NAV3: variants seen among roughly 807,000 people sequenced by gnomAD.
The protein encoded by NAV3 is neuron navigator 3, also known as pore membrane and/or filament interacting like protein 1.
NAV3 carries 87 observed loss-of-function variants against 244.7 expected under a neutral mutation model. That is an observed-to-expected ratio of 0.36 (90% CI 0.30 to 0.42). The LOEUF (loss-of-function observed/expected upper bound fraction) is 0.42. Among genes scored for constraint, NAV3 ranks in the 20% least tolerant of loss-of-function variants. NAV3 has a pLI of 1.00. For synonymous variants in NAV3, 1,126 were observed against 1,042.2 expected, an observed-to-expected ratio of 1.08 and a Z score of -1.55; for missense variants, 2,663 against 2,893.3, an observed-to-expected ratio of 0.92 and a Z score of 1.83.
intron 2 of NAV3, among the ~76,000 whole-genome samples, chr12:77,651,435 C>T (rs1263100934): frequency 6.6e-6 from 1 of 151,948 alleles, no homozygotes; most frequent in Non-Finnish European, 1.5e-5. Context: ...TTTTCTTCAA[C>T]AGCTCTTACT....
In NAV3 at chr12:78,118,312, T is replaced by C; in HGVS notation, c.3040+15T>C. 6.3e-7 allele frequency: 1 copy of C among 1,578,212 alleles called. No individual in the cohort carries two copies. The highest frequency in any genetic ancestry group is 8.6e-7 in the Non-Finnish European group (1 of 1,159,624). On this transcript the variant is annotated intron_variant, in intron 14 of 39. Transcript: ENST00000397909. Reference sequence around the variant, plus strand: ...CAAAACACCCGGTAGGCTTGTCGTTTGCCAGCTGTTATGCAAAAGTGCTTT... The same window carrying C: ...CAAAACACCCGGTAGGCTTGTCGTTCGCCAGCTGTTATGCAAAAGTGCTTT...
At chr12:77,908,476 A>C (rs1886235128) in intron 1 of NAV3, among the ~76,000 whole-genome samples, 1 of 152,094 alleles carries the variant, frequency 6.6e-6, no homozygotes, top group Non-Finnish European at 1.5e-5. Flanking sequence ...GAAGGAGAAA[A>C]AACAATGATA....
intron 1 of NAV3, among the ~76,000 whole-genome samples, chr12:77,834,741 T>C (rs1409654266): frequency 5.3e-5 from 8 of 152,286 alleles, no homozygotes; most frequent in African/African-American, 1.9e-4. Flanking sequence ...GTAAGCAAAG[T>C]TGTATTTATA....
At position 77,854,845 on chromosome 12, in the gene NAV3, C is replaced by T. The variant is rs551738835; in HGVS notation, c.243+23141C>T. ...ATGCTGACTAACATCTGGCCGGGTG[C>T]AGTGGCTCACGCCTGTAATCCCAGC... is the stretch of plus-strand genomic sequence containing the variant. On this transcript the variant is annotated intron_variant, in intron 1 of 39. Coordinates refer to ENST00000397909, the MANE Select transcript of NAV3 (RefSeq NM_001024383.2). Among the ~76,000 whole-genome samples the T allele has an allele frequency of 3.3e-5, 5 of 152,182 alleles. No homozygotes were observed. In the South Asian group the frequency reaches 8.3e-4, roughly 25 times the overall value.
rs1367201584 is a variant in NAV3 at position 78,177,640 on chromosome 12, C to G, written c.5318C>G (p.Pro1773Arg). 2.5e-6 allele frequency: 4 copies of G among 1,597,216 alleles called. No homozygotes were observed. Among genetic ancestry groups the G allele is most frequent in the Admixed American group, 3.3e-5 (2 of 59,940 alleles). The change falls in exon 28 of 40, where the codon CCA (proline) becomes CGA (arginine). Residue 1773 changes from proline (P) to arginine (R), a missense_variant. Around this residue, in one of 6 missense-constraint regions of NAV3, gnomAD observed 193 missense variants for 200.7 expected, o/e 0.96. Coordinates refer to ENST00000397909, the MANE Select transcript of NAV3 (RefSeq NM_001024383.2). ...TACAGGTCACCCCTTGTCTGGCCAC[C>G]AAAGAAACGACAAAATGGCCCTGTG... Reference protein sequence around the residue: ...SASASPLVWPPKKRQNGPVIY... With the variant: ...SASASPLVWPRKKRQNGPVIY...
chr12:77,635,228 A>C (rs77162814), intron 2 of NAV3, among the ~76,000 whole-genome samples: 1 of 117,956 alleles, frequency 8.5e-6, no homozygotes, highest in African/African-American at 4.6e-5. Context: ...ATTCTGTCTC[A>C]AAAAAAAAAA....
intron 2 of NAV3, among the ~76,000 whole-genome samples, chr12:77,702,320 T>C (rs1875598019): frequency 6.6e-6 from 1 of 152,030 alleles, no homozygotes; most frequent in African/African-American, 2.4e-5. Flanking sequence ...TGTTATCTTT[T>C]TATTCTCTAC....
Position 77,928,095 on chromosome 12 carries a change from C to T in NAV3, c.244-12224C>T, listed in dbSNP as rs926444347. Reference sequence around the variant, plus strand: ...AAAATTAGCCAGACGTGGTGGTGTGCGCCTGTAATCCCAGCTACTCGGGAG... The same window carrying T: ...AAAATTAGCCAGACGTGGTGGTGTGTGCCTGTAATCCCAGCTACTCGGGAG... On this transcript the variant is annotated intron_variant, in intron 1 of 39. Coordinates refer to ENST00000397909, the MANE Select transcript of NAV3 (RefSeq NM_001024383.2). Among the ~76,000 whole-genome samples, 60 of 151,376 alleles carry T rather than the reference C, an allele frequency of 4.0e-4. 1 individual carries two copies. Among genetic ancestry groups the T allele is most frequent in the African/African-American group, 1.3e-3 (54 of 41,206 alleles).
intron 12 of NAV3, among the ~76,000 whole-genome samples, chr12:78,098,954 G>GT (rs1393348602): frequency 2.7e-4 from 29 of 105,898 alleles, no homozygotes; most frequent in Non-Finnish European, 5.7e-4. Flanking sequence ...AAGTATCCAG[G>GT]GTTTTTTTTT....
intron 2 of NAV3, among the ~76,000 whole-genome samples, chr12:77,758,070 G>C (rs1288121910): frequency 6.6e-6 from 1 of 151,782 alleles, no homozygotes; most frequent in Admixed American, 6.6e-5. Flanking sequence ...TTGGTGTCTT[G>C]GCCACTGCTG....
intron 28 of NAV3, among the ~76,000 whole-genome samples, chr12:78,178,957 C>G (rs1344431863): frequency 1.3e-5 from 2 of 152,062 alleles, no homozygotes; most frequent in Non-Finnish European, 2.9e-5. Context: ...CCTAAATCAG[C>G]TGAGCCCAGT....
At chr12:78,158,783 A>G (rs1957408452) in intron 22 of NAV3, among the ~76,000 whole-genome samples, 1 of 152,178 alleles carries the variant, frequency 6.6e-6, no homozygotes, top group Non-Finnish European at 1.5e-5. Context: ...TGCAAAGGTC[A>G]TCATGAAAGT....
chr12:77,935,228 A>T (rs1000375565), intron 1 of NAV3, among the ~76,000 whole-genome samples: 15 of 152,192 alleles, frequency 9.9e-5, no homozygotes, highest in Non-Finnish European at 1.5e-4. Context: ...GTAGTAAAAA[A>T]AAATCACAAA....
chr12:77,608,682 G>A (rs143786831), intron 2 of NAV3, among the ~76,000 whole-genome samples: 2 of 152,140 alleles, frequency 1.3e-5, no homozygotes, highest in African/African-American at 4.8e-5. Context: ...TAGATCCAAG[G>A]ATTTTAGAAT....
intron 2 of NAV3, among the ~76,000 whole-genome samples, chr12:77,613,521 C>T (rs1871015572): frequency 6.6e-6 from 1 of 152,096 alleles, no homozygotes; most frequent in Admixed American, 6.6e-5. Context: ...AGTCTGCCTT[C>T]TTGTTTCCTA....
intron 12 of NAV3, among the ~76,000 whole-genome samples, chr12:78,078,373 C>CCGTT (rs1953163651): frequency 8.0e-6 from 1 of 125,352 alleles, no homozygotes; most frequent in African/African-American, 3.0e-5. Context: ...ACTCTTTCCA[C>CCGTT]TCTTTTTTTT....
At chr12:78,152,281 TAG>T (rs1456897254) in intron 22 of NAV3, among the ~76,000 whole-genome samples, 1 of 151,784 alleles carries the variant, frequency 6.6e-6, no homozygotes, top group Non-Finnish European at 1.5e-5. Context: ...AATTCTCTTT[TAG>T]ACTAATGCAG....
chr12:78,035,257 A>G (rs77214824), intron 9 of NAV3, among the ~76,000 whole-genome samples: 2,841 of 152,278 alleles, frequency 0.019, 82 homozygotes, highest in African/African-American at 0.063. Context: ...AAAATGATGA[A>G]GATAATATCT....
chr12:77,803,226 C>T (rs1871804819), intron 2 of NAV3, among the ~76,000 whole-genome samples: 1 of 152,078 alleles, frequency 6.6e-6, no homozygotes, highest in African/African-American at 2.4e-5. Flanking sequence ...CTCCTACACC[C>T]ATCAACCCAT....
Sources: gnomAD v4.1 joint callset for allele counts (sites outside exome capture counted in the v4.1 genomes callset) on GRCh38, gnomAD v4.1.1 for gene constraint, gnomAD v4.1.1 regional missense constraint, MANE v1.5 for transcripts, NCBI Gene and HGNC (gene_info 2026-07-23, HGNC 2026-07-21) for gene names.